Variants in CATSPERE observed in about 807,000 individuals in gnomAD.
The protein encoded by CATSPERE is catsper channel auxiliary subunit epsilon, also known as cation channel sperm-associated auxiliary subunit epsilon.
A neutral mutation model predicts 114.1 loss-of-function variants in CATSPERE; 93 were observed. That is an observed-to-expected ratio of 0.81 (90% CI 0.69 to 0.97). The LOEUF (loss-of-function observed/expected upper bound fraction) is 0.97. Ranked by LOEUF, CATSPERE falls within the 50% of genes least tolerant of loss-of-function variation. The pLI is 0.00. For synonymous variants in CATSPERE, 341 were observed against 384.1 expected (o/e 0.89, Z 1.31); for missense variants, 1,058 against 1,131.6 (o/e 0.93, Z 0.93).
At chr1:244,465,526 T>C (rs1049704533) in intron 2 of CATSPERE, among the ~76,000 whole-genome samples, 30 of 152,326 alleles carry the variant, frequency 2.0e-4, no homozygotes, top group Non-Finnish European at 4.0e-4. Flanking sequence ...AACAACTCAC[T>C]GTTCCCCTAT....
intron 20 of CATSPERE, among the ~76,000 whole-genome samples, chr1:244,631,914 A>G (rs763739667): frequency 2.0e-5 from 3 of 151,924 alleles, no homozygotes; most frequent in Non-Finnish European, 4.4e-5. Context: ...AACTAAACAT[A>G]CTCTTACTGT....
chr1:244,564,724 T>G (rs1321925660), intron 10 of CATSPERE, among the ~76,000 whole-genome samples: 1 of 152,222 alleles, frequency 6.6e-6, no homozygotes, highest in African/African-American at 2.4e-5. Flanking sequence ...CTCTTCCTAT[T>G]TGAATACCCT....
intron 6 of CATSPERE, among the ~76,000 whole-genome samples, chr1:244,492,539 C>G (rs1360327065): frequency 3.3e-5 from 5 of 149,558 alleles, no homozygotes; most frequent in Admixed American, 1.3e-4. Flanking sequence ...TGGCACAAGA[C>G]AGGGATGCCC....
chr1:244,608,463 G>T (rs1392765195), intron 18 of CATSPERE, among the ~76,000 whole-genome samples: 1 of 151,546 alleles, frequency 6.6e-6, no homozygotes, highest in Non-Finnish European at 1.5e-5. Flanking sequence ...TTGAGCCCAG[G>T]AGGTCAAGGC....
In CATSPERE at chr1:244,547,473, A is replaced by G. The variant is rs561200402; in HGVS notation, c.537-4849A>G. On this transcript the variant is annotated intron_variant, in intron 8 of 21. Coordinates refer to ENST00000366534, the MANE Select transcript of CATSPERE (RefSeq NM_001130957.2). ...AATCACTTACTGTATAAAGGTTAAA[A>G]GCCAAAACTATTAAAAATAACAACC... is the stretch of plus-strand genomic sequence containing the variant. 7.9e-4 allele frequency among the ~76,000 whole-genome samples: 120 copies of G among 152,346 alleles called. 2 individuals are homozygous for G. The Middle Eastern group carries it at 0.01, about 13-fold the overall frequency.
At chr1:244,459,528 G>T (rs1666462624), upstream of CATSPERE, among the ~76,000 whole-genome samples, 1 of 152,172 alleles carries the variant, frequency 6.6e-6, no homozygotes, top group African/African-American at 2.4e-5. Flanking sequence ...AGTTTATTTT[G>T]TAAACAAATC....
At chr1:244,553,332 C>T (rs1004113278) in intron 9 of CATSPERE, among the ~76,000 whole-genome samples, 3 of 151,820 alleles carry the variant, frequency 2.0e-5, no homozygotes, top group East Asian at 1.9e-4. Context: ...GAGGCCGAGG[C>T]GGGCAGATCA....
chr1:244,524,866 T>C (rs1335623618), intron 8 of CATSPERE, among the ~76,000 whole-genome samples: 17 of 146,316 alleles, frequency 1.2e-4, no homozygotes, highest in Admixed American at 7.3e-4. Context: ...TGTGGAGAAA[T>C]AGGAACACTT....
At chr1:244,611,543 C>A (rs1318606482) in intron 19 of CATSPERE, among the ~76,000 whole-genome samples, 4 of 151,888 alleles carry the variant, frequency 2.6e-5, no homozygotes, top group Non-Finnish European at 5.9e-5. Flanking sequence ...TGCAGTGAGC[C>A]ATGATCATGC....
intron 17 of CATSPERE, among the ~76,000 whole-genome samples, chr1:244,595,254 G>A (rs1211886026): frequency 3.3e-5 from 5 of 152,190 alleles, no homozygotes; most frequent in Admixed American, 2.6e-4. Context: ...TATGCTGAGT[G>A]TAATGACAGA....
chr1:244,524,942 G>A (rs1352295148), intron 8 of CATSPERE, among the ~76,000 whole-genome samples: 1 of 146,812 alleles, frequency 6.8e-6, no homozygotes, highest in Admixed American at 6.7e-5. Context: ...GGTTCCTCAG[G>A]GATCTAGAAC....
intron 2 of CATSPERE, among the ~76,000 whole-genome samples, chr1:244,465,965 T>G (rs538548976): frequency 1.3e-5 from 2 of 152,338 alleles, no homozygotes; most frequent in Admixed American, 1.3e-4. Flanking sequence ...CAGAGAGAGA[T>G]ACATTTCATT....
intron 19 of CATSPERE, among the ~76,000 whole-genome samples, chr1:244,612,865 T>C (rs977967958): frequency 5.1e-4 from 77 of 152,132 alleles, no homozygotes; most frequent in African/African-American, 1.8e-3. Context: ...TTTGATCAAG[T>C]GGGCTTTCGC....
chr1:244,553,525 G>A (rs10927253), intron 9 of CATSPERE, among the ~76,000 whole-genome samples: 17,272 of 145,390 alleles, frequency 0.12, 1,814 homozygotes, highest in African/African-American at 0.28. Flanking sequence ...AGCTTGCAGT[G>A]AGCCGAGATC....
At chr1:244,494,518 G>T (rs915596559) in intron 6 of CATSPERE, among the ~76,000 whole-genome samples, 5 of 150,174 alleles carry the variant, frequency 3.3e-5, no homozygotes, top group African/African-American at 1.2e-4. Context: ...CGAGTTAATG[G>T]GTGCAGCACA....
At chr1:244,460,357 T>A (rs1156361297), upstream of CATSPERE, among the ~76,000 whole-genome samples, 1 of 152,126 alleles carries the variant, frequency 6.6e-6, no homozygotes, top group African/African-American at 2.4e-5. Flanking sequence ...ACTTGATGGA[T>A]CAGCTGGCAC....
At chr1:244,451,792 G>T (rs769147508), upstream of CATSPERE, 1 of 1,595,294 alleles carries the variant, frequency 6.3e-7, no homozygotes, top group Non-Finnish European at 8.5e-7. This position sits in a 1 kb window ranked among gnomAD's most constrained non-coding sequence, Gnocchi z 6.6. Context: ...GGAGGATGCC[G>T]CCGGGTAGGT....
chr1:244,628,763 A>G (rs370439557), intron 20 of CATSPERE, among the ~76,000 whole-genome samples: 85 of 152,322 alleles, frequency 5.6e-4, no homozygotes, highest in African/African-American at 1.9e-3. Flanking sequence ...GGATGGAGCT[A>G]TAGCGCCACA....
At chr1:244,588,297 G>A (rs1244403253) in intron 13 of CATSPERE, among the ~76,000 whole-genome samples, 185 bp from the exon 14 acceptor site, 4 of 151,040 alleles carry the variant, frequency 2.6e-5, no homozygotes, top group African/African-American at 9.8e-5. Context: ...AAGACAAAAG[G>A]AAGGAAAGAA....
Sources: gnomAD v4.1 joint callset for allele counts (sites outside exome capture counted in the v4.1 genomes callset) on GRCh38, gnomAD v4.1.1 for gene constraint, Gnocchi (gnomAD v3.1) non-coding constraint, MANE v1.5 for transcripts, NCBI Gene and HGNC (gene_info 2026-07-23, HGNC 2026-07-21) for gene names.